MYO1D: variants seen among roughly 807,000 people sequenced by gnomAD.
MYO1D encodes the protein unconventional myosin-Id.
MYO1D carries 83 observed loss-of-function variants against 122.0 expected under a neutral mutation model. That is an observed-to-expected ratio of 0.68 (90% CI 0.57 to 0.82). MYO1D has a LOEUF of 0.82. Ranked by LOEUF, MYO1D falls within the 40% of genes least tolerant of loss-of-function variation. The probability of loss-of-function intolerance (pLI) is 0.00; values close to 1 mark genes in which losing one functional copy is unlikely to be tolerated. For missense variants in MYO1D, 1,157 were observed against 1,269.5 expected, an observed-to-expected ratio of 0.91 and a Z score of 1.35; for synonymous variants, 464 against 446.9, an observed-to-expected ratio of 1.04 and a Z score of -0.48.
chr17:32,796,793 C>G (rs975357653), intron 1 of MYO1D, among the ~76,000 whole-genome samples: 8 of 152,288 alleles, frequency 5.3e-5, no homozygotes, highest in Middle Eastern at 3.4e-3. Flanking sequence ...AGATTCTCAT[C>G]CCTTCCCACT....
intron 10 of MYO1D, among the ~76,000 whole-genome samples, chr17:32,757,771 C>G (rs1342473404): frequency 6.6e-6 from 1 of 152,142 alleles, no homozygotes; most frequent in African/African-American, 2.4e-5. Context: ...CTGCTTCAAA[C>G]ATTGCTTAAA....
chr17:32,678,401 C>A, intron 16 of MYO1D, among the ~76,000 whole-genome samples: 1 of 124,624 alleles, frequency 8.0e-6, no homozygotes. Flanking sequence ...GATGCTATCC[C>A]TCCCCCCTCC....
At chr17:32,725,202 A>G (rs758518889) in intron 14 of MYO1D, among the ~76,000 whole-genome samples, 4 of 152,174 alleles carry the variant, frequency 2.6e-5, no homozygotes, top group Admixed American at 6.5e-5. Flanking sequence ...AACTCAGTGG[A>G]TCAGTACAAG....
intron 21 of MYO1D, among the ~76,000 whole-genome samples, chr17:32,501,915 C>CTGG (rs1909331085): frequency 6.6e-6 from 1 of 152,320 alleles, no homozygotes; most frequent in African/African-American, 2.4e-5. Flanking sequence ...TGACTTGCAA[C>CTGG]TGGTGTCTAG....
At chr17:32,770,831 T>C (rs1273849271) in intron 6 of MYO1D, among the ~76,000 whole-genome samples, 1 of 152,180 alleles carries the variant, frequency 6.6e-6, no homozygotes, top group Non-Finnish European at 1.5e-5. Context: ...AATATTTTTA[T>C]AGTGTGAAAA....
At chr17:32,721,290 G>T in intron 14 of MYO1D, 101 bp from the exon 15 acceptor site, 1 of 1,059,842 alleles carries the variant, frequency 9.4e-7, no homozygotes. Flanking sequence ...GTTAAGCTCA[G>T]TGCCTCTAAT....
In MYO1D at chr17:32,876,846, G is replaced by T. The variant is rs1252541452; in HGVS notation, c.27C>A (p.Phe9Leu). The T allele has an allele frequency of 6.6e-7, 1 of 1,516,670 alleles. No homozygotes were observed. The highest frequency in any genetic ancestry group is 8.8e-7 in the Non-Finnish European group (1 of 1,131,920). 94.0% of individuals were successfully genotyped at this position (1,516,670 alleles called of 1,614,324 possible). ...CCATCAGCACGAAGTCTGCCTTGCC[G>T]AATTCCAGGCTCTCCTGCTCCGCCA... Reference protein sequence around the residue: MAEQESLEFGKADFVLMDT... With the variant: MAEQESLELGKADFVLMDT... Residue 9 changes from phenylalanine to leucine, a missense_variant, in exon 1 of 22, where the codon TTC becomes TTA. By Grantham distance (22) the Phe-to-Leu change is conservative (BLOSUM62 0). Transcript: ENST00000318217.
chr17:32,693,073 T>A (rs1203814551), intron 16 of MYO1D, among the ~76,000 whole-genome samples: 1 of 152,218 alleles, frequency 6.6e-6, no homozygotes, highest in Non-Finnish European at 1.5e-5. Flanking sequence ...ATCTTAACTA[T>A]AAGACCTTTC....
intron 21 of MYO1D, among the ~76,000 whole-genome samples, chr17:32,521,521 A>G (rs531261462): frequency 1.3e-5 from 2 of 152,344 alleles, no homozygotes; most frequent in South Asian, 4.1e-4. Context: ...GCGTCAAGGA[A>G]TATTTAAATA....
intron 16 of MYO1D, among the ~76,000 whole-genome samples, chr17:32,711,374 G>A (rs1033127420): frequency 1.2e-4 from 19 of 152,198 alleles, no homozygotes; most frequent in African/African-American, 3.1e-4. Flanking sequence ...GCAGCCGGGC[G>A]TGGTGGCTCA....
intron 16 of MYO1D, among the ~76,000 whole-genome samples, chr17:32,681,082 G>T (rs2088908777): frequency 6.6e-6 from 1 of 152,032 alleles, no homozygotes; most frequent in Non-Finnish European, 1.5e-5. Flanking sequence ...GCATTTCTGT[G>T]GGATTGGTGG....
At chr17:32,721,277 C>T in intron 14 of MYO1D, 88 bp from the exon 15 acceptor site, 1 of 1,251,122 alleles carries the variant, frequency 8.0e-7, no homozygotes, top group East Asian at 2.3e-5. Flanking sequence ...TTAATTGTGT[C>T]AAGTTAAGCT....
At chr17:32,562,919 G>A (rs1045515796) in intron 21 of MYO1D, among the ~76,000 whole-genome samples, 1 of 152,128 alleles carries the variant, frequency 6.6e-6, no homozygotes, top group Admixed American at 6.6e-5. Context: ...TCTTTTTAAA[G>A]GGAGGGGCAT....
chr17:32,817,678 G>C (rs188969427), intron 1 of MYO1D, among the ~76,000 whole-genome samples: 88 of 152,180 alleles, frequency 5.8e-4, no homozygotes, highest in South Asian at 4.4e-3. Context: ...TTTTCAAGTA[G>C]TATAGTAATA....
intron 14 of MYO1D, among the ~76,000 whole-genome samples, chr17:32,728,210 A>ATTTTTT (rs34100497): frequency 3.5e-5 from 5 of 144,602 alleles, no homozygotes; most frequent in Non-Finnish European, 4.6e-5. Context: ...ATTGAATGCA[A>ATTTTTT]TTTTTTTTTT....
At chr17:32,566,587 G>A (rs1215403961) in intron 21 of MYO1D, among the ~76,000 whole-genome samples, 1 of 151,990 alleles carries the variant, frequency 6.6e-6, no homozygotes, top group Non-Finnish European at 1.5e-5. Context: ...AGCCACTGAA[G>A]GAGGGGAGTG....
chr17:32,601,653 T>C (rs561736536), intron 21 of MYO1D, among the ~76,000 whole-genome samples: 1 of 152,230 alleles, frequency 6.6e-6, no homozygotes, highest in Admixed American at 6.5e-5. Flanking sequence ...TCTCTAGCTA[T>C]GAAAGTTCTA....
At chr17:32,540,303 C>G (rs1695349588) in intron 21 of MYO1D, among the ~76,000 whole-genome samples, 1 of 119,090 alleles carries the variant, frequency 8.4e-6, no homozygotes, top group Non-Finnish European at 1.6e-5. Flanking sequence ...GTACTCCAGT[C>G]TAGGTGACAG....
intron 21 of MYO1D, among the ~76,000 whole-genome samples, chr17:32,563,434 C>G (rs1413732967): frequency 6.6e-6 from 1 of 151,696 alleles, no homozygotes; most frequent in Non-Finnish European, 1.5e-5. Context: ...CCAGGCTAGT[C>G]TCGAACTCCT....
Sources: allele counts gnomAD v4.1 joint callset (sites outside exome capture counted in the v4.1 genomes callset), GRCh38; gene constraint gnomAD v4.1.1; transcripts MANE v1.5; gene names NCBI Gene and HGNC (gene_info 2026-07-23, HGNC 2026-07-21).